Variants in ATP10A observed in about 807,000 individuals in gnomAD.
ATP10A encodes phospholipid-transporting ATPase VA.
ATP10A carries 111 observed loss-of-function variants against 147.8 expected under a neutral mutation model. That is an observed-to-expected ratio of 0.75 (90% CI 0.64 to 0.88). The LOEUF is 0.88. Ranked by LOEUF, ATP10A falls within the 40% of genes least tolerant of loss-of-function variation. The pLI, the probability that ATP10A is intolerant of heterozygous loss-of-function variation, is 0.00. For synonymous variants in ATP10A, 875 were observed against 841.6 expected (o/e 1.04, Z -0.69); for missense variants, 1,927 against 1,959.0 (o/e 0.98, Z 0.31).
chr15:25,761,374 C>A (rs1165237452), intron 2 of ATP10A, among the ~76,000 whole-genome samples: 2 of 152,228 alleles, frequency 1.3e-5, no homozygotes, highest in East Asian at 1.9e-4. Context: ...CTCACACTTA[C>A]CACAGAGTCC....
intron 2 of ATP10A, among the ~76,000 whole-genome samples, chr15:25,740,263 TA>T (rs530566545): frequency 6.0e-4 from 92 of 152,266 alleles, no homozygotes; most frequent in Admixed American, 2.0e-3. Flanking sequence ...TTTTCTATCA[TA>T]AAAAAACTAA....
At chr15:25,781,497 A>G (rs1889922557) in intron 1 of ATP10A, among the ~76,000 whole-genome samples, 1 of 152,122 alleles carries the variant, frequency 6.6e-6, no homozygotes, top group African/African-American at 2.4e-5. Context: ...TCTACTAAAA[A>G]TACAAAAATT....
chr15:25,736,157 G>A lies in ATP10A; in HGVS notation c.655-16C>T, dbSNP rs576986029. ...ATTCGGAGACCTAAAATAACAGCAC[G>A]TAGACATTAGAGAAATCCGGGCTCA... is the stretch of plus-strand genomic sequence containing the variant. On this transcript the variant is annotated splice_polypyrimidine_tract_variant and intron_variant, in intron 2 of 20. Transcript: ENST00000555815. 2.5e-4 allele frequency: 399 copies of A among 1,606,854 alleles called. 1 individual carries two copies. The South Asian group carries it at 4.0e-3, about 16-fold the overall frequency.
At position 25,851,374 on chromosome 15, in the gene ATP10A, T is replaced by A. The variant is rs28449441; in HGVS notation, c.449+11274A>T. Among the ~76,000 whole-genome samples the A allele has an allele frequency of 6.5e-3, 988 of 152,070 alleles. 13 individuals carry two copies. The highest frequency in any genetic ancestry group is 0.023 in the African/African-American group (939 of 41,476). On this transcript the variant is annotated intron_variant, in intron 1 of 20. Coordinates refer to ENST00000555815, the MANE Select transcript of ATP10A (RefSeq NM_024490.4). The stretch of plus-strand genomic sequence containing the variant: ...AAGACTTACTTTAGGTTTTTTTTTT[T>A]AATTATTATTGTTATAACTGTTGAT...
At chr15:25,756,428 G>C (rs565745689) in intron 2 of ATP10A, among the ~76,000 whole-genome samples, 1 of 152,314 alleles carries the variant, frequency 6.6e-6, no homozygotes, top group African/African-American at 2.4e-5. Flanking sequence ...CGGATCACCA[G>C]GTCAGGAGAT....
chr15:25,716,612 G>A (rs761135443), intron 9 of ATP10A, 118 bp downstream of exon 9: 9 of 1,017,734 alleles, frequency 8.8e-6, no homozygotes, highest in Non-Finnish European at 1.1e-5. Context: ...CTTAGGTCAC[G>A]ATGTGCCAAG....
Position 25,862,637 on chromosome 15 carries a change from G to A in ATP10A, c.449+11C>T. The stretch of plus-strand genomic sequence containing the variant: ...CCACCGCGCGCTCGCTCGCCCGCCC[G>A]CCCAACTCACCTGCTGAAGACCAGG... On this transcript the variant is annotated intron_variant, in intron 1 of 20. Coordinates refer to ENST00000555815, the MANE Select transcript of ATP10A (RefSeq NM_024490.4). The A allele has an allele frequency of 1.9e-6, 3 of 1,550,404 alleles. No homozygotes were observed. The highest frequency in any genetic ancestry group is 2.6e-6 in the Non-Finnish European group (3 of 1,147,984).
At chr15:25,746,297 A>T (rs892834698) in intron 2 of ATP10A, among the ~76,000 whole-genome samples, 1 of 152,168 alleles carries the variant, frequency 6.6e-6, no homozygotes. Flanking sequence ...AGTTCAACTC[A>T]TTTGAAAAAT....
intron 2 of ATP10A, among the ~76,000 whole-genome samples, chr15:25,755,263 T>C: frequency 6.6e-6 from 1 of 152,154 alleles, no homozygotes; most frequent in East Asian, 1.9e-4. Flanking sequence ...AAGGTCTTAA[T>C]TGTAACATAT....
rs28493449 is a variant in ATP10A, at chr15:25,753,781, T to C, written c.655-17640A>G. Among the ~76,000 whole-genome samples, 1,001 of 148,702 alleles carry C rather than the reference T, an allele frequency of 6.7e-3. 16 individuals carry two copies. The highest frequency in any genetic ancestry group is 0.024 in the African/African-American group (963 of 40,880). ...TATATAGTTATATATATGATATATG[T>C]TATATATATATATTTTAAAGACAGG... is the stretch of plus-strand genomic sequence containing the variant. On this transcript the variant is annotated intron_variant, in intron 2 of 20. Coordinates refer to ENST00000555815, the MANE Select transcript of ATP10A (RefSeq NM_024490.4).
chr15:25,776,387 C>T (rs1187759492), intron 2 of ATP10A, among the ~76,000 whole-genome samples: 1 of 152,150 alleles, frequency 6.6e-6, no homozygotes, highest in Non-Finnish European at 1.5e-5. Flanking sequence ...TTCTGTTTCT[C>T]ATCTATAAAT....
rs1001118149 is a variant in ATP10A, at chr15:25,700,221, A to T, written c.2760+1695T>A. Reference sequence around the variant, plus strand: ...CCATTAGAGGGGCTAGCAGAAAAAAAATCAATGACAATGCGAAGTGCTGGA... The same window carrying T: ...CCATTAGAGGGGCTAGCAGAAAAAATATCAATGACAATGCGAAGTGCTGGA... On this transcript the variant is annotated intron_variant, in intron 13 of 20. Transcript: ENST00000555815. Among the ~76,000 whole-genome samples the T allele has an allele frequency of 3.9e-5, 6 of 152,362 alleles. No homozygotes were observed. In the South Asian group the frequency reaches 1.2e-3, roughly 32 times the overall value.
At chr15:25,673,030 G>A (rs1379748345), downstream of ATP10A, among the ~76,000 whole-genome samples, 1 of 152,128 alleles carries the variant, frequency 6.6e-6, no homozygotes, top group Non-Finnish European at 1.5e-5. Flanking sequence ...AGGAGAAGGA[G>A]GGTCACAGGG....
At chr15:25,820,119 T>C (rs755283713) in intron 1 of ATP10A, among the ~76,000 whole-genome samples, 1 of 151,966 alleles carries the variant, frequency 6.6e-6, no homozygotes, top group East Asian at 1.9e-4. Flanking sequence ...TAGATAGAAA[T>C]AGAAATACAT....
chr15:25,713,834 G>C lies in ATP10A; in HGVS notation c.2184C>G (p.His728Gln), dbSNP rs764739443. The C allele has an allele frequency of 6.2e-7, 1 of 1,613,890 alleles. No homozygotes were observed. The highest frequency in any genetic ancestry group is 1.3e-5 in the African/African-American group (1 of 74,954). The change falls in exon 10 of 21, where the codon CAC becomes CAG. Residue 728 changes from histidine to glutamine, a missense_variant. Coordinates refer to ENST00000555815, the MANE Select transcript of ATP10A (RefSeq NM_024490.4). ...LHDQVSVELP[H>Q]LGRLTFELLH... ...GGAGCTCGAAGGTGAGCCTGCCCAG[G>C]TGGGGCAGCTCCACTGACACTTGGT...
intron 14 of ATP10A, 139 bp downstream of exon 14, chr15:25,694,680 G>T: frequency 1.3e-6 from 1 of 786,666 alleles, no homozygotes; most frequent in Non-Finnish European, 2.0e-6. Context: ...CATGTTGCCT[G>T]CTCTATCACA....
rs1899337799 is a variant in ATP10A, at chr15:25,680,390, C to G, written c.3679-82G>C. On this transcript the variant is annotated intron_variant, in intron 19 of 20. Coordinates refer to ENST00000555815, the MANE Select transcript of ATP10A (RefSeq NM_024490.4). ...ACAATAACAAAAACGTGCCAGTCAT[C>G]AATGAGCAGGTGTGAGGTTCTGAGG... The G allele has an allele frequency of 2.8e-6, 4 of 1,430,950 alleles. No homozygotes were observed. The East Asian group carries it at 9.3e-5, about 33-fold the overall frequency. 88.6% of individuals were successfully genotyped at this position (1,430,950 alleles called of 1,614,324 possible).
At chr15:25,678,070 C>A (rs1226105327), downstream of ATP10A, 1 of 152,134 alleles carries the variant, frequency 6.6e-6, no homozygotes, top group Non-Finnish European at 1.5e-5. Context: ...AAGCCCAGGT[C>A]TGAGTTGCTG....
chr15:25,752,988 T>A (rs1237469094), intron 2 of ATP10A, among the ~76,000 whole-genome samples: 1 of 152,172 alleles, frequency 6.6e-6, no homozygotes, highest in Non-Finnish European at 1.5e-5. Flanking sequence ...ATTGTATAAA[T>A]TTATGGGGTA....
Sources: allele counts gnomAD v4.1 joint callset (sites outside exome capture counted in the v4.1 genomes callset), GRCh38; gene constraint gnomAD v4.1.1; transcripts MANE v1.5; gene names NCBI Gene and HGNC (gene_info 2026-07-23, HGNC 2026-07-21).